LYST: variants seen among roughly 807,000 people sequenced by gnomAD.
LYST encodes lysosomal-trafficking regulator.
A neutral mutation model predicts 413.6 loss-of-function variants in LYST; 192 were observed. The ratio of observed to expected loss-of-function variants is 0.46; its 90% CI spans 0.41 to 0.52. The LOEUF is 0.52. LYST is among the 20% of genes least tolerant of loss of function. The pLI, the probability that LYST is intolerant of heterozygous loss-of-function variation, is 0.00. For synonymous variants in LYST, 1,525 were observed against 1,567.3 expected (o/e 0.97, Z 0.64); for missense variants, 3,815 against 4,499.9 (o/e 0.85, Z 4.35).
At chr1:235,834,999 C>T (rs10926836) in intron 1 of LYST, among the ~76,000 whole-genome samples, 61,578 of 151,264 alleles carry the variant, frequency 0.41, 13,145 homozygotes, top group African/African-American at 0.48. Context: ...ACTGCAACAA[C>T]CTCTGCCGCC....
chr1:235,860,197 T>C (rs983016425), intron 1 of LYST, among the ~76,000 whole-genome samples: 3 of 152,188 alleles, frequency 2.0e-5, no homozygotes, highest in Non-Finnish European at 4.4e-5. Context: ...CTTTATTTTT[T>C]AGAAGAGTTT....
intron 44 of LYST, among the ~76,000 whole-genome samples, chr1:235,706,783 T>G (rs1662024807): frequency 6.6e-6 from 1 of 152,218 alleles, no homozygotes; most frequent in African/African-American, 2.4e-5. Context: ...GAAGCCTATC[T>G]TATTCTCTTT....
rs1408263302 is a variant in LYST, at chr1:235,854,789, T to C, written c.-98+12054A>G. Reference sequence around the variant, plus strand: ...CCCTAATCTTACACCTAAGCATCCTTAGACCTTCAACTCCTCTCTTACTTG... The same window carrying C: ...CCCTAATCTTACACCTAAGCATCCTCAGACCTTCAACTCCTCTCTTACTTG... On this transcript the variant is annotated intron_variant, in intron 1 of 52. Coordinates refer to ENST00000389793, the MANE Select transcript of LYST (RefSeq NM_000081.4). This position sits in a 1 kb window ranked among gnomAD's most constrained non-coding sequence, Gnocchi z 4.1. Among the ~76,000 whole-genome samples, 1 of 152,202 alleles carries C rather than the reference T, an allele frequency of 6.6e-6. No individual in the cohort carries two copies. The highest frequency in any genetic ancestry group is 2.4e-5 in the African/African-American group (1 of 41,448).
Position 235,730,947 on chromosome 1 carries a change from T to C in LYST, c.8948-4A>G. On this transcript the variant is annotated splice_polypyrimidine_tract_variant and splice_region_variant and intron_variant, in intron 35 of 52. Transcript: ENST00000389793. ...GAGAGTGGTGGTTTGACAACATCTG[T>C]TGAGGAGAAAAGTAAATATTATCTT... The C allele has an allele frequency of 1.2e-6, 2 of 1,610,762 alleles. No homozygotes were observed. The highest frequency in any genetic ancestry group is 1.7e-6 in the Non-Finnish European group (2 of 1,177,036).
At chr1:235,788,935 T>G in intron 12 of LYST, 90 bp from the exon 13 acceptor site, 3 of 1,225,642 alleles carry the variant, frequency 2.4e-6, no homozygotes, top group African/African-American at 1.5e-5. Context: ...AGCAAATTTG[T>G]TCATTTGTAG....
chr1:235,677,723 A>C, intron 48 of LYST, 104 bp from the exon 49 acceptor site: 1 of 840,722 alleles, frequency 1.2e-6, no homozygotes, highest in African/African-American at 1.7e-5. Context: ...GGTCTTCTCA[A>C]ACATATCATT....
intron 1 of LYST, among the ~76,000 whole-genome samples, chr1:235,863,654 A>G (rs1050422604): frequency 1.3e-5 from 2 of 152,126 alleles, no homozygotes; most frequent in Non-Finnish European, 2.9e-5. Context: ...TAAAACTACA[A>G]TTGGGAAAAG....
intron 20 of LYST, among the ~76,000 whole-genome samples, chr1:235,769,455 C>T (rs559831653): frequency 5.9e-5 from 9 of 151,904 alleles, no homozygotes; most frequent in African/African-American, 1.4e-4. Context: ...TTAGTGCCAC[C>T]GAAGCAAAGG....
chr1:235,883,176 C>A (rs1420316582), intron 1 of LYST: 3 of 152,236 alleles, frequency 2.0e-5, no homozygotes, highest in Non-Finnish European at 4.4e-5. Context: ...CTCAGAAACA[C>A]TTTAACCTAC....
At position 235,806,086 on chromosome 1, in the gene LYST, C is replaced by G. The variant is rs10465613; in HGVS notation, c.3050G>C (p.Ser1017Thr). 2 of 1,613,544 alleles carry G rather than the reference C, an allele frequency of 1.2e-6. No individual in the cohort carries two copies. The highest frequency in any genetic ancestry group is 1.3e-5 in the African/African-American group (1 of 74,848). ...GTTTAAATCCTGGTTTTCATTTACA[C>G]TTGTATCTCCCTCCTTTTTTCCTTG... is the stretch of plus-strand genomic sequence containing the variant. ...EEQGKKEGDT[S>T]VNENQDLNRI... The change falls in exon 6 of 53, where the codon AGT becomes ACT. Residue 1017 changes from serine to threonine, a missense_variant. Around this residue, in one of 4 missense-constraint regions of LYST, gnomAD observed 1,648 missense variants for 1,810.3 expected, o/e 0.91. Transcript: ENST00000389793.
intron 31 of LYST, chr1:235,737,073 GT>G (rs1242197931): frequency 1.3e-5 from 2 of 152,086 alleles, no homozygotes; most frequent in Admixed American, 1.3e-4. Context: ...TATCTAATTG[GT>G]TGAAGTTGGC....
At chr1:235,804,095 G>A (rs1672545534) in intron 7 of LYST, among the ~76,000 whole-genome samples, 1 of 152,134 alleles carries the variant, frequency 6.6e-6, no homozygotes, top group Non-Finnish European at 1.5e-5. Context: ...TAAAATTAAT[G>A]TGAGTAGAGA....
At chr1:235,691,538 A>G (rs2103070238) in intron 47 of LYST, among the ~76,000 whole-genome samples, 1 of 152,298 alleles carries the variant, frequency 6.6e-6, no homozygotes, top group South Asian at 2.1e-4. Flanking sequence ...CACTGAGAAG[A>G]AGGCAATGCT....
At chr1:235,866,590 C>A (rs886865978) in intron 1 of LYST, among the ~76,000 whole-genome samples, 1 of 152,218 alleles carries the variant, frequency 6.6e-6, no homozygotes, top group African/African-American at 2.4e-5. Flanking sequence ...CGAGCTCCCG[C>A]CCGCGGCCCG....
intron 7 of LYST, among the ~76,000 whole-genome samples, chr1:235,803,595 G>C (rs538348152): frequency 6.6e-6 from 1 of 152,180 alleles, no homozygotes; most frequent in African/African-American, 2.4e-5. Context: ...CTAACTTCCT[G>C]TGTAAGAAAG....
intron 1 of LYST, among the ~76,000 whole-genome samples, chr1:235,882,920 ATGTCTTTG>A (rs1301413747): frequency 2.0e-5 from 3 of 152,116 alleles, no homozygotes; most frequent in Admixed American, 2.0e-4. Flanking sequence ...TCTCCAATGA[ATGTCTTTG>A]GCTCACCCCA....
Position 235,664,551 on chromosome 1 carries a change from C to T in LYST, c.11109G>A (p.Glu3703=), listed in dbSNP as rs2103007715. 1.2e-6 allele frequency: 2 copies of T among 1,614,180 alleles called. No individual in the cohort carries two copies. The highest frequency in any genetic ancestry group is 2.2e-5 in the East Asian group (1 of 44,886). The stretch of plus-strand genomic sequence containing the variant: ...TGGAGAAAGCCACGGAACAGATGAT[C>T]TCCCTGCAGTGGACATGTCCAACGA... ...GDLVGHVHCR[E]IICSVAFSNQ... The change falls in exon 51 of 53, where the codon GAG becomes GAA. Residue 3703 remains glutamate, a synonymous_variant. Coordinates refer to ENST00000389793, the MANE Select transcript of LYST (RefSeq NM_000081.4). The surrounding 1 kb of genome is among the most constrained non-coding windows in gnomAD (Gnocchi z 4.5).
At chr1:235,860,045 T>C (rs546901581) in intron 1 of LYST, among the ~76,000 whole-genome samples, 6 of 152,264 alleles carry the variant, frequency 3.9e-5, no homozygotes, top group African/African-American at 1.4e-4. Flanking sequence ...TGGTCTATAG[T>C]TTTTCTAGGA....
chr1:235,831,121 G>A (rs140142068), intron 2 of LYST, among the ~76,000 whole-genome samples: 28 of 152,226 alleles, frequency 1.8e-4, no homozygotes, highest in African/African-American at 6.5e-4. Context: ...TTCATCTCTG[G>A]GCTAAAAGTA....
Sources: allele counts gnomAD v4.1 joint callset (sites outside exome capture counted in the v4.1 genomes callset), GRCh38; gene constraint gnomAD v4.1.1; regional missense constraint gnomAD v4.1.1; non-coding constraint Gnocchi (gnomAD v3.1); transcripts MANE v1.5; gene names NCBI Gene and HGNC (gene_info 2026-07-23, HGNC 2026-07-21).